The following SLC25A15 variants were observed in gnomAD, a reference collection of about 807,000 sequenced individuals.
The protein encoded by SLC25A15 is mitochondrial ornithine transporter 1.
SLC25A15 carries 24 observed loss-of-function variants against 32.3 expected under a neutral mutation model. The ratio of observed to expected loss-of-function variants is 0.74; its 90% CI spans 0.54 to 1.04. The LOEUF is 1.04. Among genes scored for constraint, SLC25A15 ranks in the 50% least tolerant of loss-of-function variants. The pLI, the probability that SLC25A15 is intolerant of heterozygous loss-of-function variation, is 0.00. For missense variants in SLC25A15, 317 were observed against 374.5 expected (o/e 0.85, Z 1.27); for synonymous variants, 132 against 142.1 (o/e 0.93, Z 0.51).
chr13:40,797,455 T>G (rs1397258867), intron 2 of SLC25A15, among the ~76,000 whole-genome samples: 1 of 152,234 alleles, frequency 6.6e-6, no homozygotes, highest in African/African-American at 2.4e-5. Context: ...TAATTCAGAT[T>G]TCTTTTTATC....
intron 2 of SLC25A15, chr13:40,798,787 A>G: frequency 1.7e-5 from 17 of 985,288 alleles, no homozygotes; most frequent in Non-Finnish European, 1.9e-5. Flanking sequence ...CCAGGCTCCT[A>G]CATATTCACT....
Position 40,793,299 on chromosome 13 carries a change from A to G in SLC25A15, c.55+18A>G, listed in dbSNP as rs765829415. The G allele has an allele frequency of 6.2e-7, 1 of 1,607,292 alleles. No individual in the cohort carries two copies. Among genetic ancestry groups the G allele is most frequent in the Admixed American group, 1.7e-5 (1 of 59,712 alleles). ...GGCTGCAGGTACAGTCATGTGCCTC[A>G]TCACCATGTTTCTGTCGTTGATGGA... On this transcript the variant is annotated intron_variant, in intron 2 of 6. Coordinates refer to ENST00000338625, the MANE Select transcript of SLC25A15 (RefSeq NM_014252.4).
chr13:40,800,449 A>G (rs1566121889), intron 3 of SLC25A15, among the ~76,000 whole-genome samples: 2 of 152,214 alleles, frequency 1.3e-5, no homozygotes, highest in Non-Finnish European at 2.9e-5. Flanking sequence ...ACTGAACAGA[A>G]GCAAAAACTA....
chr13:40,807,335 G>A lies in SLC25A15; in HGVS notation c.494G>A (p.Gly165Asp). ...ATCAAAAGTATTCTTAGGAAAGATGGCCCCTTGGGGTTCTACCATGGACTC... is the reference window on the plus strand; with the variant it reads ...ATCAAAAGTATTCTTAGGAAAGATGACCCCTTGGGGTTCTACCATGGACTC... ...SVIKSILRKD[G>D]PLGFYHGLSS... is the part of the protein sequence containing the mutation. The change falls in exon 5 of 7, where the codon GGC becomes GAC. Residue 165 changes from glycine to aspartate, a missense_variant. Coordinates refer to ENST00000338625, the MANE Select transcript of SLC25A15 (RefSeq NM_014252.4). The A allele has an allele frequency of 6.2e-7, 1 of 1,614,010 alleles. No individual in the cohort carries two copies. Among genetic ancestry groups the A allele is most frequent in the South Asian group, 1.1e-5 (1 of 91,076 alleles).
chr13:40,798,106 C>G (rs913952346), intron 2 of SLC25A15, among the ~76,000 whole-genome samples: 1 of 152,012 alleles, frequency 6.6e-6, no homozygotes, highest in African/African-American at 2.4e-5. Flanking sequence ...ATGGTGAAAC[C>G]CCATCTCTAT....
intron 4 of SLC25A15, among the ~76,000 whole-genome samples, chr13:40,806,221 A>G (rs1021245897): frequency 2.0e-5 from 3 of 152,228 alleles, no homozygotes; most frequent in Non-Finnish European, 4.4e-5. Flanking sequence ...AAGTCACAGT[A>G]TGCAGCTCTA....
Position 40,807,282 on chromosome 13 carries a change from G to A in SLC25A15, c.453-12G>A. 6.2e-7 allele frequency: 1 copy of A among 1,613,790 alleles called. No individual in the cohort carries two copies. The highest frequency in any genetic ancestry group is 8.5e-7 in the Non-Finnish European group (1 of 1,179,810). ...TGCTGTAACCGTGCTATCTCTCTGT[G>A]TCTCCTCCCAGTACAGTGTGGTCTG... is the stretch of plus-strand genomic sequence containing the variant. On this transcript the variant is annotated splice_polypyrimidine_tract_variant and intron_variant, in intron 4 of 6. Transcript: ENST00000338625.
At chr13:40,796,724 T>A (rs975480797) in intron 2 of SLC25A15, among the ~76,000 whole-genome samples, 1 of 152,182 alleles carries the variant, frequency 6.6e-6, no homozygotes, top group African/African-American at 2.4e-5. Context: ...GTGAGTCTGC[T>A]TCTCTCTCCT....
At chr13:40,799,034 G>C (rs1384718443) in intron 2 of SLC25A15, 23 bp from the exon 3 acceptor site, 1 of 1,614,110 alleles carries the variant, frequency 6.2e-7, no homozygotes, top group East Asian at 2.2e-5. Flanking sequence ...TCGTACTAGA[G>C]CAGTCATCTG....
chr13:40,802,314 T>G (rs1281883276), intron 3 of SLC25A15: 1 of 152,256 alleles, frequency 6.6e-6, no homozygotes, highest in Non-Finnish European at 1.5e-5. Context: ...AGTACATTTG[T>G]GTACCTGGTT....
intron 5 of SLC25A15, among the ~76,000 whole-genome samples, chr13:40,807,872 G>A (rs1045747615): frequency 2.6e-5 from 4 of 152,172 alleles, no homozygotes; most frequent in Admixed American, 6.5e-5. Context: ...GTAGCTTATC[G>A]TGTTTAGCTG....
rs1045808992 is a variant in SLC25A15 at position 40,809,979 on chromosome 13, C to T, written c.*312C>T. 2 of 380,180 alleles carry T rather than the reference C, an allele frequency of 5.3e-6. No homozygotes were observed. Among genetic ancestry groups the T allele is most frequent in the African/African-American group, 4.2e-5 (2 of 48,172 alleles). The allele number at this position is 380,180 out of a possible 1,614,324, so 23.6% of individuals were successfully genotyped here. ...TCTGTCAGGGCTTTTACGTAAACCT[C>T]CACTTGTACATGCAATTTGGACAGT... On this transcript the variant is annotated 3_prime_UTR_variant, in exon 7 of 7. Transcript: ENST00000338625.
chr13:40,803,221 GT>G (rs35018310), intron 3 of SLC25A15, among the ~76,000 whole-genome samples: 35 of 146,352 alleles, frequency 2.4e-4, no homozygotes, highest in South Asian at 6.5e-4. Flanking sequence ...CCCCGTATTC[GT>G]TTTTTTTTTT....
Position 40,790,847 on chromosome 13 carries a change from A to G in SLC25A15, c.-70+1184A>G, listed in dbSNP as rs189338461. On this transcript the variant is annotated intron_variant, in intron 1 of 6. Coordinates refer to ENST00000338625, the MANE Select transcript of SLC25A15 (RefSeq NM_014252.4). Reference sequence around the variant, plus strand: ...GGTGATCCGCCCGCCTTGGCCTCCCAAAGTGCTGGGATTACAGGCGTGAGC... The same window carrying G: ...GGTGATCCGCCCGCCTTGGCCTCCCGAAGTGCTGGGATTACAGGCGTGAGC... Among the ~76,000 whole-genome samples, 188 of 152,290 alleles carry G rather than the reference A, an allele frequency of 1.2e-3. 2 individuals are homozygous for G. In the East Asian group the frequency reaches 0.035, roughly 28 times the overall value.
chr13:40,791,901 G>A (rs1012650142), intron 1 of SLC25A15, among the ~76,000 whole-genome samples: 1 of 152,142 alleles, frequency 6.6e-6, no homozygotes, highest in Non-Finnish European at 1.5e-5. Context: ...ACTTCTCCAC[G>A]GCCAATGTTT....
intron 2 of SLC25A15, among the ~76,000 whole-genome samples, chr13:40,795,941 C>T (rs1489438522): frequency 6.6e-6 from 1 of 152,156 alleles, no homozygotes; most frequent in African/African-American, 2.4e-5. Context: ...CCCTGGGTCC[C>T]TTGTCTGGTG....
chr13:40,797,616 A>G lies in SLC25A15; in HGVS notation c.56-1441A>G, dbSNP rs530644772. Among the ~76,000 whole-genome samples, 10 of 152,312 alleles carry G rather than the reference A, an allele frequency of 6.6e-5. 1 individual carries two copies. Among genetic ancestry groups the G allele is most frequent in the Admixed American group, 6.5e-4 (10 of 15,300 alleles). On this transcript the variant is annotated intron_variant, in intron 2 of 6. Coordinates refer to ENST00000338625, the MANE Select transcript of SLC25A15 (RefSeq NM_014252.4). ...CTCCTGTAAGAAATGAACAGTAATG[A>G]TGGGCTCACAGAGATCATATTGCTT...
rs74044577 is a variant in SLC25A15, at chr13:40,792,474, C to T, written c.-69-684C>T. ...TTGAAGGGCTGGTGGTCTGTGGTGA[C>T]GGGAAGATGTGTGTGACAGGAAGAT... On this transcript the variant is annotated intron_variant, in intron 1 of 6. Transcript: ENST00000338625. Among the ~76,000 whole-genome samples, 1,060 of 152,328 alleles carry T rather than the reference C, an allele frequency of 7.0e-3. 7 individuals are homozygous for T. Among genetic ancestry groups the T allele is most frequent in the African/African-American group, 0.024 (1,014 of 41,578 alleles).
In SLC25A15 at chr13:40,809,970, C is replaced by T. The variant is rs532779255; in HGVS notation, c.*303C>T. 10 of 388,372 alleles carry T rather than the reference C, an allele frequency of 2.6e-5. No homozygotes were observed. Among genetic ancestry groups the T allele is most frequent in the African/African-American group, 1.4e-4 (7 of 48,590 alleles). 24.1% of individuals were successfully genotyped at this position (388,372 alleles called of 1,614,324 possible). On this transcript the variant is annotated 3_prime_UTR_variant, in exon 7 of 7. Coordinates refer to ENST00000338625, the MANE Select transcript of SLC25A15 (RefSeq NM_014252.4). Reference sequence around the variant, plus strand: ...GAATATAGTTCTGTCAGGGCTTTTACGTAAACCTCCACTTGTACATGCAAT... The same window carrying T: ...GAATATAGTTCTGTCAGGGCTTTTATGTAAACCTCCACTTGTACATGCAAT...
Sources: gnomAD v4.1 joint callset for allele counts (sites outside exome capture counted in the v4.1 genomes callset) on GRCh38, gnomAD v4.1.1 for gene constraint, MANE v1.5 for transcripts, NCBI Gene and HGNC (gene_info 2026-07-23, HGNC 2026-07-21) for gene names.